Variants in GRIK1 observed in about 807,000 individuals in gnomAD.
GRIK1 encodes glutamate ionotropic receptor kainate type subunit 1.
In GRIK1, 69 loss-of-function variants were observed where a neutral mutation model predicts 105.7. That is an observed-to-expected ratio of 0.65 (90% CI 0.54 to 0.80). GRIK1 has a LOEUF of 0.80. Ranked by LOEUF, GRIK1 falls within the 30% of genes least tolerant of loss-of-function variation. The probability of loss-of-function intolerance (pLI) is 0.00; values close to 1 mark genes in which losing one functional copy is unlikely to be tolerated. For missense variants in GRIK1, 1,109 were observed against 1,167.3 expected, an observed-to-expected ratio of 0.95 and a Z score of 0.73; for synonymous variants, 438 against 431.3, an observed-to-expected ratio of 1.02 and a Z score of -0.19.
At chr21:29,557,752 T>A (rs1302796363) in intron 15 of GRIK1, among the ~76,000 whole-genome samples, 1 of 152,216 alleles carries the variant, frequency 6.6e-6, no homozygotes. Context: ...ATCCTCAGAA[T>A]AATGGCTAGT....
intron 1 of GRIK1, among the ~76,000 whole-genome samples, chr21:29,831,981 G>A (rs1047456073): frequency 6.6e-6 from 1 of 152,196 alleles, no homozygotes; most frequent in Non-Finnish European, 1.5e-5. Context: ...ATACAATGGT[G>A]GGTACAGGCA....
Position 29,561,832 on chromosome 21 carries a change from G to A in GRIK1, c.2148C>T (p.Thr716=), listed in dbSNP as rs752925944. 27 of 1,611,944 alleles carry A rather than the reference G, an allele frequency of 1.7e-5. 1 individual carries two copies. In the South Asian group the frequency reaches 3.0e-4, roughly 18 times the overall value. The change falls in exon 15 of 18, where the codon ACC becomes ACT. Residue 716 remains threonine (T), a synonymous_variant. Transcript: ENST00000327783. ...TCATGAAAGCCCACATCTTCTCATA[G>A]GTGGAGATTTTTGATTTCTGGAGGG... ...MTFFKKSKIS[T]YEKMWAFMSS... is the part of the protein sequence containing the mutation.
chr21:29,729,038 G>A (rs2064542810), intron 1 of GRIK1, among the ~76,000 whole-genome samples: 1 of 152,170 alleles, frequency 6.6e-6, no homozygotes, highest in Admixed American at 6.5e-5. Flanking sequence ...TTGATTAGTT[G>A]GAACTCAGAG....
At chr21:29,615,306 TTTTC>T (rs574477896) in intron 7 of GRIK1, among the ~76,000 whole-genome samples, 5 of 150,228 alleles carry the variant, frequency 3.3e-5, no homozygotes, top group South Asian at 4.1e-4. Flanking sequence ...CTATTCCTTT[TTTTC>T]TTTCTTTCTT....
chr21:29,659,751 G>T (rs768071015), intron 4 of GRIK1, among the ~76,000 whole-genome samples: 3 of 152,036 alleles, frequency 2.0e-5, no homozygotes, highest in African/African-American at 7.2e-5. Context: ...ACCTGAGGTC[G>T]GGAGTTCAAG....
chr21:29,579,260 T>A (rs1458511856), intron 13 of GRIK1, among the ~76,000 whole-genome samples: 1 of 152,224 alleles, frequency 6.6e-6, no homozygotes, highest in East Asian at 1.9e-4. Context: ...TGTTTTCTAT[T>A]TTTATCTAAT....
At chr21:29,871,581 G>C (rs1055490468) in intron 1 of GRIK1, among the ~76,000 whole-genome samples, 4 of 151,990 alleles carry the variant, frequency 2.6e-5, no homozygotes, top group African/African-American at 9.7e-5. Flanking sequence ...AAATCAGGAA[G>C]AGACATAAAT....
chr21:29,882,960 A>G (rs982021884), intron 1 of GRIK1, among the ~76,000 whole-genome samples: 1 of 151,938 alleles, frequency 6.6e-6, no homozygotes, highest in Non-Finnish European at 1.5e-5. Flanking sequence ...TTTCTTTCCA[A>G]CCAGCCCCCA....
chr21:29,932,855 A>G (rs1000455959), intron 1 of GRIK1, among the ~76,000 whole-genome samples: 3 of 151,880 alleles, frequency 2.0e-5, no homozygotes, highest in African/African-American at 4.8e-5. Context: ...ACATTCCTGG[A>G]AAAGATATTT....
At chr21:29,625,145 A>G (rs537759910) in intron 7 of GRIK1, among the ~76,000 whole-genome samples, 1 of 152,374 alleles carries the variant, frequency 6.6e-6, no homozygotes, top group South Asian at 2.1e-4. Flanking sequence ...ATAATGCAAT[A>G]TAAAGCACAT....
intron 2 of GRIK1, among the ~76,000 whole-genome samples, chr21:29,691,002 G>A (rs1473668341): frequency 1.3e-5 from 2 of 151,962 alleles, no homozygotes; most frequent in East Asian, 3.9e-4. Context: ...TCATAGGTGT[G>A]TCATCCCTTA....
chr21:29,725,146 C>G (rs192658262), intron 1 of GRIK1, among the ~76,000 whole-genome samples: 2 of 152,128 alleles, frequency 1.3e-5, no homozygotes, highest in African/African-American at 4.8e-5. Flanking sequence ...CAACTGCAAG[C>G]GATTGCGAAC....
At chr21:29,803,816 G>C (rs1350762702) in intron 1 of GRIK1, among the ~76,000 whole-genome samples, 1 of 151,988 alleles carries the variant, frequency 6.6e-6, no homozygotes, top group Non-Finnish European at 1.5e-5. Flanking sequence ...CTTTATCCAA[G>C]CAATAGACCC....
At chr21:29,753,731 T>G (rs1458104024) in intron 1 of GRIK1, among the ~76,000 whole-genome samples, 1 of 152,232 alleles carries the variant, frequency 6.6e-6, no homozygotes, top group Admixed American at 6.5e-5. Context: ...GAAAGCAGTC[T>G]TTGATTTCAT....
At chr21:29,791,191 G>C (rs1256326800) in intron 1 of GRIK1, among the ~76,000 whole-genome samples, 1 of 152,090 alleles carries the variant, frequency 6.6e-6, no homozygotes, top group Non-Finnish European at 1.5e-5. Context: ...ATGGGACTTC[G>C]CAAGATGTGG....
rs2067714827 is a variant in GRIK1 at position 29,834,124 on chromosome 21, T to C, written c.118+105259A>G. On this transcript the variant is annotated intron_variant, in intron 1 of 17. Coordinates refer to ENST00000327783, the MANE Select transcript of GRIK1 (RefSeq NM_001330994.2). Reference sequence around the variant, plus strand: ...GTGAATGAATTGAAAGAGAGATACATTAGGGAAATCAGATAGTATTATCCT... The same window carrying C: ...GTGAATGAATTGAAAGAGAGATACACTAGGGAAATCAGATAGTATTATCCT... 2.0e-5 allele frequency among the ~76,000 whole-genome samples: 3 copies of C among 152,006 alleles called. No homozygotes were observed. In the South Asian group the frequency reaches 6.2e-4, roughly 32 times the overall value.
chr21:29,553,361 T>C, intron 16 of GRIK1: 1 of 1,216,938 alleles, frequency 8.2e-7, no homozygotes, highest in Non-Finnish European at 1.0e-6. Context: ...ATACCCCTAA[T>C]ATGCCCCTGC....
intron 1 of GRIK1, among the ~76,000 whole-genome samples, chr21:29,718,548 C>T (rs1424290862): frequency 6.6e-6 from 1 of 152,158 alleles, no homozygotes; most frequent in African/African-American, 2.4e-5. Flanking sequence ...CAGGATGAAT[C>T]AGGGTCTCAG....
intron 1 of GRIK1, among the ~76,000 whole-genome samples, chr21:29,735,081 G>A (rs1269043014): frequency 6.6e-6 from 1 of 152,170 alleles, no homozygotes; most frequent in Non-Finnish European, 1.5e-5. Context: ...GCTCTTCATA[G>A]CATGGTTCAG....
Sources: gnomAD v4.1 joint callset for allele counts (sites outside exome capture counted in the v4.1 genomes callset) on GRCh38, gnomAD v4.1.1 for gene constraint, MANE v1.5 for transcripts, NCBI Gene and HGNC (gene_info 2026-07-23, HGNC 2026-07-21) for gene names.